KNSTRN: variants seen among roughly 807,000 people sequenced by gnomAD.
The protein encoded by KNSTRN is small kinetochore-associated protein.
KNSTRN carries 38 observed loss-of-function variants against 44.7 expected under a neutral mutation model. The observed-to-expected ratio is 0.85, with a 90% CI of 0.66 to 1.11. KNSTRN has a LOEUF of 1.11. Ranked by LOEUF, KNSTRN falls within the 50% of genes most tolerant of loss-of-function variation. KNSTRN has a pLI of 0.00. For missense variants in KNSTRN, 406 were observed against 375.8 expected, an observed-to-expected ratio of 1.08 and a Z score of -0.66; for synonymous variants, 158 against 148.1, an observed-to-expected ratio of 1.07 and a Z score of -0.48.
intron 2 of KNSTRN, among the ~76,000 whole-genome samples, chr15:40,385,884 G>T (rs760364766): frequency 6.6e-6 from 1 of 152,156 alleles, no homozygotes; most frequent in Non-Finnish European, 1.5e-5. Flanking sequence ...AATAATTTTG[G>T]TTTTTATTGC....
intron 2 of KNSTRN, chr15:40,384,475 C>T: frequency 4.4e-6 from 2 of 455,958 alleles, no homozygotes; most frequent in Non-Finnish European, 8.8e-6. Flanking sequence ...AATGGTAATC[C>T]TGGCACCAGC....
intron 5 of KNSTRN, 23 bp downstream of exon 5, chr15:40,389,634 G>GGTGGGTCTC: frequency 6.5e-7 from 1 of 1,550,030 alleles, no homozygotes; most frequent in Non-Finnish European, 8.9e-7. Context: ...CCAGAGCTCT[G>GGTGGGTCTC]TTACCAGCTG....
Position 40,383,080 on chromosome 15 carries a change from G to C in KNSTRN, c.209+36G>C, listed in dbSNP as rs774462366. On this transcript the variant is annotated intron_variant, in intron 1 of 8. Transcript: ENST00000249776. ...CCCGGGGCGAGGGACTGGGCTGGAT[G>C]GGAGGAAGGACGGAATGAGCTGGGA... 95 of 1,603,390 alleles carry C rather than the reference G, an allele frequency of 5.9e-5. No homozygotes were observed. The African/African-American group carries it at 1.2e-3, about 21-fold the overall frequency.
chr15:40,389,325 A>C (rs775639956), intron 4 of KNSTRN, 181 bp from the exon 5 acceptor site: 2 of 552,408 alleles, frequency 3.6e-6, no homozygotes, highest in Non-Finnish European at 6.6e-6. Flanking sequence ...ATCTTTTGTA[A>C]TTTTAGTAGA....
intron 4 of KNSTRN, among the ~76,000 whole-genome samples, chr15:40,387,750 G>A (rs1889926444): frequency 6.6e-6 from 1 of 152,218 alleles, no homozygotes; most frequent in African/African-American, 2.4e-5. Context: ...GCTCACACCT[G>A]TAATCGCAAC....
rs201825411 is a variant in KNSTRN, at chr15:40,383,003, C to A, written c.168C>A (p.Asn56Lys). The A allele has an allele frequency of 4.3e-6, 7 of 1,611,892 alleles. No homozygotes were observed. The highest frequency in any genetic ancestry group is 2.2e-4 in the Middle Eastern group (1 of 4,458). The change falls in exon 1 of 9, where the codon AAC (asparagine) becomes AAA (lysine). Residue 56 changes from asparagine to lysine, a missense_variant. Transcript: ENST00000249776. ...GTTVAAGNLL[N>K]ESEKDCGQDR... is the part of the protein sequence containing the mutation. ...CAGTTGCTGCAGGGAATCTTTTAAA[C>A]GAGAGCGAGAAGGACTGCGGGCAGG...
At chr15:40,389,634 G>A (rs1889964622) in intron 5 of KNSTRN, 23 bp downstream of exon 5, 1 of 1,550,046 alleles carries the variant, frequency 6.5e-7, no homozygotes, top group Non-Finnish European at 8.9e-7. Context: ...CCAGAGCTCT[G>A]TTACCAGCTG....
chr15:40,386,665 G>A (rs1232899018), intron 3 of KNSTRN, 171 bp downstream of exon 3: 2 of 637,738 alleles, frequency 3.1e-6, no homozygotes, highest in East Asian at 5.6e-5. Context: ...CCTCTGTGTT[G>A]ATCTTTCTGA....
chr15:40,388,674 G>T (rs937422510), intron 4 of KNSTRN, among the ~76,000 whole-genome samples: 3 of 149,968 alleles, frequency 2.0e-5, no homozygotes, highest in African/African-American at 7.4e-5. Flanking sequence ...CAGCCTGGGC[G>T]ACGGAGCGAG....
rs186157950 is a variant in KNSTRN, at chr15:40,393,513, C to T, written c.867C>T (p.Phe289=). Residue 289 remains phenylalanine, a synonymous_variant, in exon 9 of 9, where the codon TTC becomes TTT. Transcript: ENST00000249776. ...AGATGAAAGAGGAAAGAGTCCGATT[C>T]CTAGAACAGCAAACCTTATGTAACA... The part of the protein sequence containing the change: ...KLEMKEERVR[F]LEQQTLCNNQ... The T allele has an allele frequency of 1.2e-4, 190 of 1,613,990 alleles. No individual in the cohort carries two copies. The highest frequency in any genetic ancestry group is 1.6e-4 in the Middle Eastern group (1 of 6,062).
At chr15:40,384,587 C>T (rs1294487736) in intron 2 of KNSTRN, 8 of 428,510 alleles carry the variant, frequency 1.9e-5, no homozygotes, top group East Asian at 1.5e-4. Flanking sequence ...GACTAGCTCT[C>T]TCAGCCAAGT....
At chr15:40,387,932 C>T (rs184349355) in intron 4 of KNSTRN, among the ~76,000 whole-genome samples, 14 of 152,210 alleles carry the variant, frequency 9.2e-5, no homozygotes, top group Admixed American at 2.0e-4. Flanking sequence ...CACTTCATCC[C>T]GGGAGGCAGA....
At position 40,393,372 on chromosome 15, in the gene KNSTRN, G is replaced by C. The variant is rs1246350760; in HGVS notation, c.823-97G>C. 1.3e-5 allele frequency: 21 copies of C among 1,590,652 alleles called. No homozygotes were observed. In the East Asian group the frequency reaches 4.2e-4, roughly 32 times the overall value. Reference sequence around the variant, plus strand: ...GATACTCCAGTGGTCTTCCTTAGTGGAATAGGAGCATAATGTTCTGATGTG... The same window carrying C: ...GATACTCCAGTGGTCTTCCTTAGTGCAATAGGAGCATAATGTTCTGATGTG... On this transcript the variant is annotated intron_variant, in intron 8 of 8. Transcript: ENST00000249776.
chr15:40,383,181 G>T, intron 1 of KNSTRN, 47 bp from the exon 2 acceptor site: 1 of 1,595,516 alleles, frequency 6.3e-7, no homozygotes, highest in Non-Finnish European at 8.6e-7. Flanking sequence ...CCACTCTCTC[G>T]GGCCCAGTGG....
rs61298638 is a variant in KNSTRN, at chr15:40,393,712, A to G, written c.*115A>G. On this transcript the variant is annotated 3_prime_UTR_variant, in exon 9 of 9. Transcript: ENST00000249776. Reference sequence around the variant, plus strand: ...ACTCACCATCTCCAGAATGAAAACAATTTCTACAGTAGACTTAAGGACAGT... The same window carrying G: ...ACTCACCATCTCCAGAATGAAAACAGTTTCTACAGTAGACTTAAGGACAGT... 4,844 of 961,364 alleles carry G rather than the reference A, an allele frequency of 5.0e-3. 163 individuals carry two copies. In the African/African-American group the frequency reaches 0.069, roughly 14 times the overall value. The allele number at this position is 961,364 out of a possible 1,614,324, so 59.6% of individuals were successfully genotyped here. A position where few individuals can be genotyped will look rare whatever the true frequency, so the allele number is the denominator to read the frequency against.
At position 40,382,774 on chromosome 15, in the gene KNSTRN, T is replaced by A; in HGVS notation, c.-62T>A. 1 of 1,474,258 alleles carries A rather than the reference T, an allele frequency of 6.8e-7. No individual in the cohort carries two copies. The highest frequency in any genetic ancestry group is 1.2e-5 in the South Asian group (1 of 83,524). The allele number at this position is 1,474,258 out of a possible 1,614,324, so 91.3% of individuals were successfully genotyped here. On this transcript the variant is annotated 5_prime_UTR_variant, in exon 1 of 9. Transcript: ENST00000249776. ...ATCACCCTCCTCCTCTGCCCAGACC[T>A]GGGGGCTCCAACACCTTTCGCTAGG...
intron 2 of KNSTRN, 124 bp from the exon 3 acceptor site, chr15:40,386,238 T>C (rs1889898940): frequency 9.5e-7 from 1 of 1,053,646 alleles, no homozygotes; most frequent in African/African-American, 1.6e-5. Context: ...AAAAAATAAA[T>C]AATACTTTTT....
In KNSTRN at chr15:40,383,048, CG is replaced by C. The variant is rs1566921622; in HGVS notation, c.209+6del. The stretch of plus-strand genomic sequence containing the variant: ...GGCAGGACCGGCGGGCTCCTGGGTT[CG>C]GCTCTCCCGGGGCGAGGGACTGGGC... On this transcript the variant is annotated splice_donor_5th_base_variant and intron_variant, in intron 1 of 8. Coordinates refer to ENST00000249776, the MANE Select transcript of KNSTRN (RefSeq NM_033286.4). 3 of 1,609,668 alleles carry C rather than the reference CG, an allele frequency of 1.9e-6. No individual in the cohort carries two copies. The highest frequency in any genetic ancestry group is 2.2e-4 in the Middle Eastern group (1 of 4,458).
At position 40,382,774 on chromosome 15, in the gene KNSTRN, T is replaced by C; in HGVS notation, c.-62T>C. The stretch of plus-strand genomic sequence containing the variant: ...ATCACCCTCCTCCTCTGCCCAGACC[T>C]GGGGGCTCCAACACCTTTCGCTAGG... On this transcript the variant is annotated 5_prime_UTR_variant, in exon 1 of 9. Coordinates refer to ENST00000249776, the MANE Select transcript of KNSTRN (RefSeq NM_033286.4). The C allele has an allele frequency of 6.8e-7, 1 of 1,474,258 alleles. No individual in the cohort carries two copies. Among genetic ancestry groups the C allele is most frequent in the Non-Finnish European group, 9.3e-7 (1 of 1,076,370 alleles). 91.3% of individuals were successfully genotyped at this position (1,474,258 alleles called of 1,614,324 possible). A position where few individuals can be genotyped will look rare whatever the true frequency, so the allele number is the denominator to read the frequency against.
Sources: gnomAD v4.1 joint callset for allele counts (sites outside exome capture counted in the v4.1 genomes callset) on GRCh38, gnomAD v4.1.1 for gene constraint, MANE v1.5 for transcripts, NCBI Gene and HGNC (gene_info 2026-07-23, HGNC 2026-07-21) for gene names.